NEGR1: variants seen among roughly 807,000 people sequenced by gnomAD.
NEGR1 encodes the protein IgLON family member 4.
A neutral mutation model predicts 40.9 loss-of-function variants in NEGR1; 10 were observed. The ratio of observed to expected loss-of-function variants is 0.24; its 90% CI spans 0.15 to 0.42. NEGR1 has a LOEUF of 0.42. Among genes scored for constraint, NEGR1 ranks in the 10% least tolerant of loss-of-function variants. NEGR1 has a pLI of 1.00. For synonymous variants in NEGR1, 185 were observed against 166.8 expected, an observed-to-expected ratio of 1.11 and a Z score of -0.84; for missense variants, 352 against 438.9, an observed-to-expected ratio of 0.80 and a Z score of 1.77.
intron 2 of NEGR1, among the ~76,000 whole-genome samples, chr1:71,839,545 T>C (rs1659164329): frequency 6.6e-6 from 1 of 151,962 alleles, no homozygotes; most frequent in Admixed American, 6.6e-5. Flanking sequence ...AACACATCCT[T>C]CAAAGGCACC....
At chr1:71,797,577 A>G (rs1251854647) in intron 2 of NEGR1, among the ~76,000 whole-genome samples, 1 of 152,204 alleles carries the variant, frequency 6.6e-6, no homozygotes, top group Non-Finnish European at 1.5e-5. Flanking sequence ...AAAATGTATA[A>G]GATAATAAAT....
intron 6 of NEGR1, among the ~76,000 whole-genome samples, chr1:71,551,766 T>C (rs1056940823): frequency 4.0e-5 from 6 of 151,630 alleles, no homozygotes; most frequent in African/African-American, 1.4e-4. Context: ...ATAAAGTCCA[T>C]TGGTCATCCT....
At chr1:71,729,768 G>A (rs368815305) in intron 3 of NEGR1, among the ~76,000 whole-genome samples, 9 of 151,896 alleles carry the variant, frequency 5.9e-5, no homozygotes, top group Admixed American at 5.2e-4. Flanking sequence ...CCTAGTAGCT[G>A]GGACCATAGG....
At chr1:71,591,907 A>G (rs1482582613) in intron 6 of NEGR1, among the ~76,000 whole-genome samples, 6 of 152,090 alleles carry the variant, frequency 3.9e-5, no homozygotes, top group Admixed American at 1.3e-4. Context: ...GATGAACTAT[A>G]CAATATTTGC....
intron 4 of NEGR1, among the ~76,000 whole-genome samples, chr1:71,633,126 T>C (rs1219116164): frequency 1.3e-5 from 2 of 152,100 alleles, no homozygotes; most frequent in Non-Finnish European, 2.9e-5. Context: ...GCTAATTTAA[T>C]ATGTAACACT....
intron 2 of NEGR1, among the ~76,000 whole-genome samples, chr1:71,928,428 GTATATA>G (rs1262583697): frequency 1.2e-5 from 1 of 81,238 alleles, no homozygotes; most frequent in Non-Finnish European, 2.4e-5. Flanking sequence ...ACACACATAT[GTATATA>G]TACACATATA....
At chr1:72,242,234 C>T (rs1300159631) in intron 1 of NEGR1, among the ~76,000 whole-genome samples, 3 of 151,638 alleles carry the variant, frequency 2.0e-5, no homozygotes, top group Admixed American at 1.3e-4. Flanking sequence ...ACAACTTCTA[C>T]ACTTTGATTT....
In NEGR1 at chr1:71,965,571, TTTA is replaced by T. The variant is rs557472682; in HGVS notation, c.177-30263_177-30261del. ...TTTGGTGAGGATCAAACTGATGTGCTTTATTTATTCATGGAAATGGGCTAAAGA... is the reference window on the plus strand; with the variant it reads ...TTTGGTGAGGATCAAACTGATGTGCTTTTATTCATGGAAATGGGCTAAAGA... On this transcript the variant is annotated intron_variant, in intron 1 of 6. Transcript: ENST00000357731. Among the ~76,000 whole-genome samples, 21 of 152,290 alleles carry T rather than the reference TTTA, an allele frequency of 1.4e-4. No individual in the cohort carries two copies. In the East Asian group the frequency reaches 4.1e-3, roughly 29 times the overall value.
At chr1:71,581,656 A>C (rs1649137775) in intron 6 of NEGR1, among the ~76,000 whole-genome samples, 1 of 152,002 alleles carries the variant, frequency 6.6e-6, no homozygotes, top group Non-Finnish European at 1.5e-5. Flanking sequence ...CAATAAAGAT[A>C]ATTGCATATT....
intron 4 of NEGR1, among the ~76,000 whole-genome samples, chr1:71,663,058 A>G (rs1330044070): frequency 3.3e-5 from 5 of 151,628 alleles, no homozygotes; most frequent in South Asian, 2.1e-4. Context: ...CCGGGTTCAT[A>G]CCATTCTCCT....
At chr1:71,946,870 G>T (rs10159137) in intron 1 of NEGR1, among the ~76,000 whole-genome samples, 5,543 of 151,828 alleles carry the variant, frequency 0.037, 335 homozygotes, top group African/African-American at 0.13. Flanking sequence ...TTGAGCTCAG[G>T]AGTTCAAGAG....
intron 6 of NEGR1, chr1:71,461,617 A>G (rs1018779410): frequency 6.6e-6 from 1 of 152,302 alleles, no homozygotes; most frequent in Admixed American, 6.5e-5. Flanking sequence ...TAATCTTCCC[A>G]TCTGACTTAT....
chr1:71,976,548 A>T (rs942569303), intron 1 of NEGR1, among the ~76,000 whole-genome samples: 1 of 152,190 alleles, frequency 6.6e-6, no homozygotes, highest in Non-Finnish European at 1.5e-5. Context: ...CGGCTATAGG[A>T]GCTGGCAGAA....
rs1650346484 is a variant in NEGR1, at chr1:72,133,814, AT to A, written c.176+148504del. 4.0e-5 allele frequency among the ~76,000 whole-genome samples: 6 copies of A among 151,850 alleles called. No individual in the cohort carries two copies. In the South Asian group the frequency reaches 1.2e-3, roughly 31 times the overall value. On this transcript the variant is annotated intron_variant, in intron 1 of 6. Transcript: ENST00000357731. Reference sequence around the variant, plus strand: ...TTATATTTCAGTCATATATTATCCCATTTAAATAAAATAAATTATAAAAGTA... The same window carrying A: ...TTATATTTCAGTCATATATTATCCCATTAAATAAAATAAATTATAAAAGTA...
intron 1 of NEGR1, among the ~76,000 whole-genome samples, chr1:71,964,229 C>T (rs1486777413): frequency 6.6e-6 from 1 of 152,248 alleles, no homozygotes; most frequent in South Asian, 2.1e-4. Flanking sequence ...ACACCCCCAT[C>T]GAAAGGCAGA....
At chr1:72,224,876 A>G (rs528723035) in intron 1 of NEGR1, among the ~76,000 whole-genome samples, 52 of 152,218 alleles carry the variant, frequency 3.4e-4, no homozygotes, top group Middle Eastern at 3.4e-3. Context: ...ATGCAAAGAT[A>G]CGCATAATTC....
At chr1:71,638,415 T>C (rs916535277) in intron 4 of NEGR1, among the ~76,000 whole-genome samples, 1 of 151,912 alleles carries the variant, frequency 6.6e-6, no homozygotes, top group Non-Finnish European at 1.5e-5. Context: ...CCTTGTAGAG[T>C]TGTAAAGATT....
At chr1:71,770,488 A>C (rs1333765077) in intron 3 of NEGR1, among the ~76,000 whole-genome samples, 2 of 152,210 alleles carry the variant, frequency 1.3e-5, no homozygotes, top group Non-Finnish European at 2.9e-5. Context: ...TTTAAAGCAA[A>C]ATGTAATGAT....
chr1:72,127,475 A>G (rs1650072154), intron 1 of NEGR1, among the ~76,000 whole-genome samples: 1 of 145,546 alleles, frequency 6.9e-6, no homozygotes, highest in Non-Finnish European at 1.5e-5. Flanking sequence ...AAAAAAAAAA[A>G]AAAAAAAAAA....
Sources: gnomAD v4.1 joint callset for allele counts (sites outside exome capture counted in the v4.1 genomes callset) on GRCh38, gnomAD v4.1.1 for gene constraint, MANE v1.5 for transcripts, NCBI Gene and HGNC (gene_info 2026-07-23, HGNC 2026-07-21) for gene names.